Variants in SUCLG2 observed in about 807,000 individuals in gnomAD.
SUCLG2 encodes succinate--CoA ligase [GDP-forming] subunit beta, mitochondrial.
In SUCLG2, 42 loss-of-function variants were observed where a neutral mutation model predicts 47.9. The ratio of observed to expected loss-of-function variants is 0.88; its 90% confidence interval spans 0.69 to 1.14. The LOEUF is 1.14. Among genes scored for constraint, SUCLG2 ranks in the 50% most tolerant of loss-of-function variants. SUCLG2 has a pLI of 0.00. For synonymous variants in SUCLG2, 195 were observed against 197.3 expected (o/e 0.99, Z 0.10); for missense variants, 571 against 525.9 (o/e 1.09, Z -0.84).
At chr3:67,634,480 A>C (rs542531823) in intron 1 of SUCLG2, among the ~76,000 whole-genome samples, 63 of 152,338 alleles carry the variant, frequency 4.1e-4, no homozygotes, top group Non-Finnish European at 8.4e-4. Context: ...AACAAAGTCA[A>C]CTATTAGTTA....
chr3:67,468,871 C>T (rs1704536536), intron 9 of SUCLG2, among the ~76,000 whole-genome samples: 1 of 152,188 alleles, frequency 6.6e-6, no homozygotes, highest in Non-Finnish European at 1.5e-5. Flanking sequence ...ACAAAATTAC[C>T]TGTATGACTA....
chr3:67,368,540 T>C (rs1701906105), intron 10 of SUCLG2, among the ~76,000 whole-genome samples: 2 of 152,152 alleles, frequency 1.3e-5, no homozygotes, highest in East Asian at 1.9e-4. Flanking sequence ...TCTGCATTCA[T>C]GGTGAATCAT....
intron 9 of SUCLG2, among the ~76,000 whole-genome samples, chr3:67,443,739 C>A (rs868206919): frequency 4.4e-5 from 4 of 91,024 alleles, no homozygotes; most frequent in African/African-American, 1.1e-4. Flanking sequence ...TCTGCCCGGC[C>A]GAGACCCCGT....
intron 2 of SUCLG2, among the ~76,000 whole-genome samples, chr3:67,541,136 GA>G (rs1706694865): frequency 6.6e-6 from 1 of 152,022 alleles, no homozygotes; most frequent in African/African-American, 2.4e-5. Flanking sequence ...CCAAAAACCA[GA>G]ACACCTCTTT....
chr3:67,499,116 A>G (rs529747010), intron 7 of SUCLG2, among the ~76,000 whole-genome samples: 26 of 152,364 alleles, frequency 1.7e-4, no homozygotes, highest in African/African-American at 5.5e-4. Flanking sequence ...GTTTTGATAT[A>G]CATATAACAC....
rs188521216 is a variant in SUCLG2 at position 67,374,996 on chromosome 3, A to G, written c.*748T>C. 2.1e-5 allele frequency: 21 copies of G among 985,850 alleles called. No homozygotes were observed. The highest frequency in any genetic ancestry group is 6.1e-5 in the Admixed American group (1 of 16,278). 61.1% of individuals were successfully genotyped at this position (985,850 alleles called of 1,614,324 possible). A position where few individuals can be genotyped will look rare whatever the true frequency, so the allele number is the denominator to read the frequency against. On this transcript the variant is annotated 3_prime_UTR_variant, in exon 11 of 11. Transcript: ENST00000307227. ...AAATATCTTAATAACAGAGATTTCCATAAGAATCAGGATTCATTTTTGACA... is the reference window on the plus strand; with the variant it reads ...AAATATCTTAATAACAGAGATTTCCGTAAGAATCAGGATTCATTTTTGACA...
At chr3:67,620,778 A>T (rs1255527307) in intron 1 of SUCLG2, among the ~76,000 whole-genome samples, 1 of 152,020 alleles carries the variant, frequency 6.6e-6, no homozygotes, top group Non-Finnish European at 1.5e-5. Context: ...AGCATGTTCC[A>T]AGGCTCTGGG....
chr3:67,607,637 C>T (rs911403786), intron 2 of SUCLG2, among the ~76,000 whole-genome samples: 3 of 152,110 alleles, frequency 2.0e-5, no homozygotes, highest in African/African-American at 7.2e-5. Flanking sequence ...TGTTCTACCA[C>T]ACAACAATCG....
intron 10 of SUCLG2, among the ~76,000 whole-genome samples, chr3:67,366,095 A>T (rs1274493733): frequency 6.6e-6 from 1 of 152,180 alleles, no homozygotes; most frequent in Non-Finnish European, 1.5e-5. Flanking sequence ...ACTAACATAT[A>T]CATGAACATG....
At chr3:67,505,390 C>T (rs190223548) in intron 7 of SUCLG2, among the ~76,000 whole-genome samples, 9 of 152,300 alleles carry the variant, frequency 5.9e-5, no homozygotes, top group Admixed American at 3.9e-4. Flanking sequence ...CCATTATAAT[C>T]CTAGCTAAGA....
chr3:67,520,412 C>T (rs752304161), intron 5 of SUCLG2, 70 bp downstream of exon 5: 82 of 1,601,312 alleles, frequency 5.1e-5, no homozygotes, highest in Non-Finnish European at 6.8e-5. Context: ...CCTTAGACTC[C>T]CCATTAAATA....
At chr3:67,562,234 C>T (rs956975541) in intron 2 of SUCLG2, among the ~76,000 whole-genome samples, 2 of 151,988 alleles carry the variant, frequency 1.3e-5, no homozygotes, top group Non-Finnish European at 2.9e-5. Flanking sequence ...CATGTTTGCA[C>T]TTTAAATATA....
At chr3:67,631,493 T>C (rs548330267) in intron 1 of SUCLG2, among the ~76,000 whole-genome samples, 143 of 152,156 alleles carry the variant, frequency 9.4e-4, no homozygotes, top group Non-Finnish European at 1.7e-3. Context: ...CCGGGCGTGG[T>C]GGATACGCCT....
intron 9 of SUCLG2, among the ~76,000 whole-genome samples, chr3:67,488,922 A>G (rs1705134516): frequency 6.6e-6 from 1 of 152,170 alleles, no homozygotes; most frequent in Non-Finnish European, 1.5e-5. Flanking sequence ...CTAAGCCCCA[A>G]ATCTGTTAAA....
intron 2 of SUCLG2, among the ~76,000 whole-genome samples, chr3:67,581,303 T>C (rs9819219): frequency 0.022 from 3,366 of 152,304 alleles, 117 homozygotes; most frequent in African/African-American, 0.076. Context: ...TATTTGTTAA[T>C]ACTGAAAATA....
chr3:67,425,622 A>T (rs958590387), intron 9 of SUCLG2, among the ~76,000 whole-genome samples: 1 of 152,172 alleles, frequency 6.6e-6, no homozygotes, highest in Admixed American at 6.5e-5. Context: ...AGGCCTTTAG[A>T]CTTAGACTGG....
intron 9 of SUCLG2, among the ~76,000 whole-genome samples, chr3:67,447,439 G>A (rs1475724623): frequency 6.6e-6 from 1 of 152,096 alleles, no homozygotes; most frequent in Non-Finnish European, 1.5e-5. Context: ...TGGGATAGAT[G>A]CAGGTAGCTA....
intron 9 of SUCLG2, among the ~76,000 whole-genome samples, chr3:67,439,737 A>C (rs565563492): frequency 6.6e-6 from 1 of 152,336 alleles, no homozygotes; most frequent in African/African-American, 2.4e-5. Flanking sequence ...GAGGGGACAC[A>C]AACAAATGGA....
intron 2 of SUCLG2, among the ~76,000 whole-genome samples, chr3:67,601,825 T>C (rs929844197): frequency 6.6e-6 from 1 of 151,690 alleles, no homozygotes; most frequent in African/African-American, 2.4e-5. Context: ...CTATTAAAAA[T>C]ATAAAAATTA....
Sources: gnomAD v4.1 joint callset for allele counts (sites outside exome capture counted in the v4.1 genomes callset) on GRCh38, gnomAD v4.1.1 for gene constraint, MANE v1.5 for transcripts, NCBI Gene and HGNC (gene_info 2026-07-23, HGNC 2026-07-21) for gene names.